The following RBFOX1 variants were observed in gnomAD, a reference collection of about 807,000 sequenced individuals.
RBFOX1 encodes RNA binding fox-1 homolog 1.
RBFOX1 carries 8 observed loss-of-function variants against 57.7 expected under a neutral mutation model. That is an observed-to-expected ratio of 0.14 (90% CI 0.08 to 0.25). The LOEUF (loss-of-function observed/expected upper bound fraction) is 0.25. Among genes scored for constraint, RBFOX1 ranks in the 10% least tolerant of loss-of-function variants. The probability of loss-of-function intolerance (pLI) is 1.00; values close to 1 mark genes in which losing one functional copy is unlikely to be tolerated. For synonymous variants in RBFOX1, 326 were observed against 222.4 expected, an observed-to-expected ratio of 1.47 and a Z score of -4.15; for missense variants, 611 against 548.5, an observed-to-expected ratio of 1.11 and a Z score of -1.14.
intron 3 of RBFOX1, among the ~76,000 whole-genome samples, chr16:5,844,677 C>T (rs963500120): frequency 2.0e-5 from 3 of 152,188 alleles, no homozygotes; most frequent in South Asian, 2.1e-4. Context: ...TTACTGTTCT[C>T]TTGTCTTTTC....
intron 4 of RBFOX1, among the ~76,000 whole-genome samples, chr16:7,153,990 G>A (rs151047817): frequency 9.2e-5 from 14 of 152,188 alleles, no homozygotes; most frequent in African/African-American, 3.4e-4. Flanking sequence ...ACATCTGTGT[G>A]GATTTGATTC....
At chr16:5,785,996 C>G (rs2054488376) in intron 3 of RBFOX1, among the ~76,000 whole-genome samples, 1 of 152,184 alleles carries the variant, frequency 6.6e-6, no homozygotes, top group Non-Finnish European at 1.5e-5. Context: ...CTTGCCATTT[C>G]TCCATTGGAC....
Position 7,661,933 on chromosome 16 carries a change from C to T in RBFOX1, c.891-2996C>T, listed in dbSNP as rs143746808. Among the ~76,000 whole-genome samples, 108 of 152,248 alleles carry T rather than the reference C, an allele frequency of 7.1e-4. No individual in the cohort carries two copies. In the South Asian group the frequency reaches 8.1e-3, roughly 11 times the overall value. ...CAGAGACTCCTAAGAGCAAACATCCCGGCATGTTCTTTCCTCACCTCTGGG... is the reference window on the plus strand; with the variant it reads ...CAGAGACTCCTAAGAGCAAACATCCTGGCATGTTCTTTCCTCACCTCTGGG... On this transcript the variant is annotated intron_variant, in intron 12 of 15. Coordinates refer to ENST00000550418, the MANE Select transcript of RBFOX1 (RefSeq NM_018723.4).
chr16:6,441,391 TC>T (rs1326673965), intron 2 of RBFOX1, among the ~76,000 whole-genome samples: 1 of 152,016 alleles, frequency 6.6e-6, no homozygotes, highest in African/African-American at 2.4e-5. Flanking sequence ...CGTTTTATTT[TC>T]TTGTTTTTTT....
chr16:5,502,820 G>A (rs559245967), intron 2 of RBFOX1, among the ~76,000 whole-genome samples: 21 of 152,264 alleles, frequency 1.4e-4, no homozygotes, highest in Middle Eastern at 3.4e-3. Flanking sequence ...ACTCTTCCGC[G>A]TCTCAGGGGA....
At chr16:7,472,351 A>G (rs186826433) in intron 4 of RBFOX1, among the ~76,000 whole-genome samples, 136 of 152,046 alleles carry the variant, frequency 8.9e-4, no homozygotes, top group South Asian at 6.4e-3. Context: ...CGTCAACAAC[A>G]TAAACTTTCC....
chr16:5,740,352 C>G (rs965919950), intron 3 of RBFOX1, among the ~76,000 whole-genome samples: 9 of 152,150 alleles, frequency 5.9e-5, no homozygotes, highest in Non-Finnish European at 1.2e-4. Context: ...AGCACAGTCC[C>G]CCAGGCACAG....
At chr16:7,244,373 C>G (rs553355224) in intron 4 of RBFOX1, among the ~76,000 whole-genome samples, 29 of 152,170 alleles carry the variant, frequency 1.9e-4, no homozygotes, top group African/African-American at 7.0e-4. Context: ...CAAGATGCAT[C>G]CCCATGGACC....
intron 2 of RBFOX1, among the ~76,000 whole-genome samples, chr16:6,424,759 A>C (rs896360842): frequency 3.9e-5 from 6 of 152,176 alleles, no homozygotes; most frequent in African/African-American, 1.4e-4. Flanking sequence ...ACATGTAATA[A>C]TTCCTCTTCT....
chr16:6,988,116 G>C (rs1237091196), intron 3 of RBFOX1, among the ~76,000 whole-genome samples: 1 of 152,172 alleles, frequency 6.6e-6, no homozygotes, highest in Non-Finnish European at 1.5e-5. Flanking sequence ...AGAGAGCACT[G>C]AGAACATAGG....
chr16:6,302,942 T>A (rs1008532366), intron 1 of RBFOX1, among the ~76,000 whole-genome samples: 3 of 152,214 alleles, frequency 2.0e-5, no homozygotes, highest in Non-Finnish European at 4.4e-5. Flanking sequence ...GAAAAAATGA[T>A]ATTATCAGTG....
At chr16:6,022,396 T>G (rs1389213657) in intron 1 of RBFOX1, among the ~76,000 whole-genome samples, 3 of 152,192 alleles carry the variant, frequency 2.0e-5, no homozygotes, top group African/African-American at 7.2e-5. Flanking sequence ...TATAAAATTT[T>G]GTGGCCAGGT....
intron 4 of RBFOX1, among the ~76,000 whole-genome samples, chr16:7,469,213 C>T (rs899464185): frequency 5.8e-5 from 8 of 137,944 alleles, no homozygotes; most frequent in African/African-American, 2.1e-4. Flanking sequence ...GGATTACAAG[C>T]GTGAGCCACC....
rs2096141463 is a variant in RBFOX1 at position 7,304,969 on chromosome 16, T to C, written c.28-213178T>C. On this transcript the variant is annotated intron_variant, in intron 4 of 15. Transcript: ENST00000550418. ...GTGTGTGTGTGTGTGTTTTCCTAAGTTTGTGTGGTGCTATATTCGGTCCGC... is the reference window on the plus strand; with the variant it reads ...GTGTGTGTGTGTGTGTTTTCCTAAGCTTGTGTGGTGCTATATTCGGTCCGC... Among the ~76,000 whole-genome samples the C allele has an allele frequency of 3.4e-5, 5 of 145,720 alleles. No individual in the cohort carries two copies. The South Asian group carries it at 1.1e-3, about 32-fold the overall frequency.
At chr16:6,510,026 T>C (rs1402836982) in intron 2 of RBFOX1, among the ~76,000 whole-genome samples, 1 of 152,138 alleles carries the variant, frequency 6.6e-6, no homozygotes, top group Non-Finnish European at 1.5e-5. Context: ...GTGGTGTCTG[T>C]TCCTGTGATT....
chr16:7,503,238 A>C (rs2071599127), intron 4 of RBFOX1, among the ~76,000 whole-genome samples: 1 of 152,172 alleles, frequency 6.6e-6, no homozygotes, highest in Admixed American at 6.5e-5. Flanking sequence ...CCTTGGTGAC[A>C]TTCTTAGTGG....
chr16:6,147,256 G>A (rs1266093072), intron 1 of RBFOX1, among the ~76,000 whole-genome samples: 1 of 152,166 alleles, frequency 6.6e-6, no homozygotes, highest in Non-Finnish European at 1.5e-5. Context: ...GGCCGCTGTT[G>A]ATGGTGGTGA....
intron 3 of RBFOX1, among the ~76,000 whole-genome samples, chr16:7,021,009 T>A (rs1172115628): frequency 6.6e-6 from 1 of 152,124 alleles, no homozygotes; most frequent in Non-Finnish European, 1.5e-5. Flanking sequence ...GCATCTGTAA[T>A]CCCAGCTACT....
intron 1 of RBFOX1, among the ~76,000 whole-genome samples, chr16:6,125,536 A>G (rs1302153228): frequency 4.6e-5 from 7 of 152,188 alleles, no homozygotes; most frequent in Non-Finnish European, 1.0e-4. Flanking sequence ...GAGTTAAACA[A>G]TGTGAATGCC....
Sources: gnomAD v4.1 joint callset for allele counts (sites outside exome capture counted in the v4.1 genomes callset) on GRCh38, gnomAD v4.1.1 for gene constraint, MANE v1.5 for transcripts, NCBI Gene and HGNC (gene_info 2026-07-23, HGNC 2026-07-21) for gene names.